KIAA1217: variants seen among roughly 807,000 people sequenced by gnomAD.
KIAA1217 encodes sickle tail protein homolog.
A neutral mutation model predicts 163.9 loss-of-function variants in KIAA1217; 88 were observed. The ratio of observed to expected loss-of-function variants is 0.54; its 90% CI spans 0.45 to 0.64. The LOEUF (loss-of-function observed/expected upper bound fraction) is 0.64. KIAA1217 is among the 30% of genes least tolerant of loss of function. KIAA1217 has a pLI of 0.00. For synonymous variants in KIAA1217, 903 were observed against 923.1 expected, an observed-to-expected ratio of 0.98 and a Z score of 0.39; for missense variants, 2,372 against 2,475.0, an observed-to-expected ratio of 0.96 and a Z score of 0.88.
intron 6 of KIAA1217, among the ~76,000 whole-genome samples, chr10:24,481,011 A>C (rs2064611013): frequency 1.3e-5 from 2 of 152,218 alleles, no homozygotes; most frequent in African/African-American, 4.8e-5. Context: ...CAGCTAAGCC[A>C]GGTATGCGTG....
intron 1 of KIAA1217, among the ~76,000 whole-genome samples, chr10:24,000,455 G>A (rs1846687127): frequency 6.6e-6 from 1 of 152,194 alleles, no homozygotes; most frequent in African/African-American, 2.4e-5. Flanking sequence ...ATAATTGTAA[G>A]TTTCCTGAGG....
chr10:24,301,232 A>G (rs1045350444), intron 2 of KIAA1217, among the ~76,000 whole-genome samples: 3 of 152,186 alleles, frequency 2.0e-5, no homozygotes, highest in African/African-American at 7.2e-5. Context: ...GGCATCTTCA[A>G]GTTAGAACCA....
At chr10:24,520,053 A>C (rs1564845911) in intron 10 of KIAA1217, 70 bp from the exon 11 acceptor site, 6 of 1,508,302 alleles carry the variant, frequency 4.0e-6, no homozygotes, top group Non-Finnish European at 5.4e-6. Flanking sequence ...TGAGACGGGC[A>C]CTCGGCCCCT....
At chr10:24,065,108 A>AT (rs539325778) in intron 2 of KIAA1217, among the ~76,000 whole-genome samples, 5 of 151,836 alleles carry the variant, frequency 3.3e-5, no homozygotes, top group Non-Finnish European at 5.9e-5. Flanking sequence ...GGATTCATTG[A>AT]TTTTTTTGAA....
intron 2 of KIAA1217, among the ~76,000 whole-genome samples, chr10:24,128,417 G>A (rs1003769641): frequency 1.3e-5 from 2 of 152,096 alleles, no homozygotes; most frequent in Non-Finnish European, 2.9e-5. Context: ...TTAAATAACT[G>A]GGATCAGCAA....
chr10:24,315,067 C>G (rs1038669668), intron 2 of KIAA1217, among the ~76,000 whole-genome samples: 1 of 152,164 alleles, frequency 6.6e-6, no homozygotes, highest in African/African-American at 2.4e-5. Flanking sequence ...ATGGGACCCA[C>G]TGATACCCTG....
intron 2 of KIAA1217, among the ~76,000 whole-genome samples, chr10:24,028,940 C>A (rs1009436810): frequency 1.3e-5 from 2 of 152,132 alleles, no homozygotes; most frequent in Non-Finnish European, 2.9e-5. Flanking sequence ...CTGGACAATT[C>A]TTTCCAGAAA....
intron 1 of KIAA1217, among the ~76,000 whole-genome samples, chr10:23,852,905 C>T (rs558970140): frequency 6.6e-6 from 1 of 152,114 alleles, no homozygotes; most frequent in East Asian, 1.9e-4. Context: ...AGCAGAAGGA[C>T]ATTTTGGGCT....
intron 3 of KIAA1217, among the ~76,000 whole-genome samples, chr10:24,397,861 T>C (rs531199426): frequency 1.3e-5 from 2 of 152,064 alleles, no homozygotes; most frequent in Non-Finnish European, 2.9e-5. Flanking sequence ...CCACCCCCAA[T>C]AAAGAGGGCA....
intron 2 of KIAA1217, among the ~76,000 whole-genome samples, chr10:24,118,166 A>G (rs905045287): frequency 1.1e-4 from 16 of 152,056 alleles, no homozygotes; most frequent in East Asian, 3.9e-4. Flanking sequence ...AAAAAAAAAA[A>G]AAGAAACGAA....
Position 23,885,471 on chromosome 10 carries a change from T to A in KIAA1217, c.-320-121754T>A, listed in dbSNP as rs931596743. 5.3e-5 allele frequency among the ~76,000 whole-genome samples: 8 copies of A among 152,024 alleles called. No homozygotes were observed. In the East Asian group the frequency reaches 1.4e-3, roughly 26 times the overall value. On this transcript the variant is annotated intron_variant, in intron 1 of 18. Coordinates refer to the KIAA1217 transcript ENST00000376462. Reference sequence around the variant, plus strand: ...ATGGGGAAACTGACAGAGAGTAGATTTGAAGGTGAAGGACTTCGCCTGGGA... The same window carrying A: ...ATGGGGAAACTGACAGAGAGTAGATATGAAGGTGAAGGACTTCGCCTGGGA...
intron 2 of KIAA1217, among the ~76,000 whole-genome samples, chr10:24,373,414 C>T (rs1028661848): frequency 6.6e-6 from 1 of 152,100 alleles, no homozygotes; most frequent in African/African-American, 2.4e-5. Context: ...CCTTCTAACC[C>T]CAATTTAGGG....
intron 2 of KIAA1217, among the ~76,000 whole-genome samples, chr10:24,200,761 A>G (rs1291853325): frequency 1.3e-5 from 2 of 152,086 alleles, no homozygotes; most frequent in Non-Finnish European, 2.9e-5. Flanking sequence ...AGCTGAGCCT[A>G]CTGATTGCAC....
At chr10:23,930,433 C>G (rs1843210899) in intron 1 of KIAA1217, among the ~76,000 whole-genome samples, 2 of 152,134 alleles carry the variant, frequency 1.3e-5, no homozygotes, top group African/African-American at 2.4e-5. Flanking sequence ...GGTGGTGCTT[C>G]CAAAGAGCTA....
chr10:23,982,181 C>T (rs1453629431), intron 1 of KIAA1217, among the ~76,000 whole-genome samples: 3 of 152,062 alleles, frequency 2.0e-5, no homozygotes, highest in Non-Finnish European at 4.4e-5. Context: ...TCCATTATTT[C>T]ATTCATAATC....
Position 24,266,227 on chromosome 10 carries a change from C to T in KIAA1217, c.354+46318C>T, listed in dbSNP as rs145324847. On this transcript the variant is annotated intron_variant, in intron 2 of 20. Transcript: ENST00000376454. ...CTGAGTAGCTAGGATTACAGACATG[C>T]ACTACCACACCTGGCTAATTTTTGT... Among the ~76,000 whole-genome samples, 819 of 152,102 alleles carry T rather than the reference C, an allele frequency of 5.4e-3. 6 individuals carry two copies. In the South Asian group the frequency reaches 0.062, roughly 12 times the overall value.
At chr10:23,783,754 G>A (rs1300726602) in intron 1 of KIAA1217, among the ~76,000 whole-genome samples, 2 of 151,918 alleles carry the variant, frequency 1.3e-5, no homozygotes, top group Non-Finnish European at 1.5e-5. Flanking sequence ...CTATTGATTT[G>A]TTCGGGCTTT....
chr10:24,310,263 A>G (rs2042532566), intron 2 of KIAA1217, among the ~76,000 whole-genome samples: 2 of 152,140 alleles, frequency 1.3e-5, no homozygotes, highest in East Asian at 3.9e-4. Context: ...AGCGCTGTAA[A>G]CTCTTTATGT....
intron 2 of KIAA1217, among the ~76,000 whole-genome samples, chr10:24,172,989 C>T (rs1014455261): frequency 6.6e-6 from 1 of 152,154 alleles, no homozygotes; most frequent in Non-Finnish European, 1.5e-5. Flanking sequence ...TCCCCAACCC[C>T]CAGGCCATGG....
Sources: allele counts gnomAD v4.1 joint callset (sites outside exome capture counted in the v4.1 genomes callset), GRCh38; gene constraint gnomAD v4.1.1; transcripts MANE v1.5; gene names NCBI Gene and HGNC (gene_info 2026-07-23, HGNC 2026-07-21).